KCNIP3: variants seen among roughly 807,000 people sequenced by gnomAD.
KCNIP3 encodes the protein potassium voltage-gated channel interacting protein 3, also known as calsenilin.
In KCNIP3, 28 loss-of-function variants were observed where a neutral mutation model predicts 35.0. The observed-to-expected ratio is 0.80, with a 90% confidence interval of 0.59 to 1.10. KCNIP3 has a LOEUF of 1.10. Ranked by LOEUF, KCNIP3 falls within the 50% of genes least tolerant of loss-of-function variation. The pLI, the probability that KCNIP3 is intolerant of heterozygous loss-of-function variation, is 0.00. For synonymous variants in KCNIP3, 134 were observed against 133.8 expected (o/e 1.00, Z -0.01); for missense variants, 295 against 338.4 (o/e 0.87, Z 1.01).
intron 2 of KCNIP3, among the ~76,000 whole-genome samples, chr2:95,315,253 C>G (rs1004021647): frequency 2.6e-5 from 4 of 152,168 alleles, no homozygotes; most frequent in African/African-American, 9.7e-5. Flanking sequence ...GACCTGCCAC[C>G]TGGTGGCTGG....
rs186491129 is a variant in KCNIP3 at position 95,309,694 on chromosome 2, G to A, written c.16-661G>A. Among the ~76,000 whole-genome samples the A allele has an allele frequency of 3.3e-5, 5 of 152,250 alleles. No homozygotes were observed. The East Asian group carries it at 5.8e-4, about 18-fold the overall frequency. On this transcript the variant is annotated intron_variant, in intron 1 of 8. Transcript: ENST00000295225. ...CTGCCTCGGCCTCCTAAAGTGCTAG[G>A]ATTACAGGCGTGAACCACCACGCCC...
chr2:95,353,459 C>T (rs567091709), intron 2 of KCNIP3, among the ~76,000 whole-genome samples: 5 of 152,302 alleles, frequency 3.3e-5, no homozygotes, highest in East Asian at 3.9e-4. Flanking sequence ...CCTGCCTGGT[C>T]GAGCACACTG....
rs772057246 is a variant in KCNIP3 at position 95,381,662 on chromosome 2, A to T, written c.514A>T (p.Asn172Tyr). 6.2e-7 allele frequency: 1 copy of T among 1,613,930 alleles called. No homozygotes were observed. Among genetic ancestry groups the T allele is most frequent in the African/African-American group, 1.3e-5 (1 of 74,898 alleles). ...CCACGAGAAGCTCAAGTGGGCCTTT[A>T]ATCTCTACGACATTAACAAGGATGG... ...TVHEKLKWAF[N>Y]LYDINKDGYI... The change falls in exon 6 of 9, where the codon AAT (asparagine) becomes TAT (tyrosine). Residue 172 changes from asparagine (N) to tyrosine (Y), a missense_variant. By Grantham distance (143) the Asn-to-Tyr change is moderately radical. Coordinates refer to ENST00000295225, the MANE Select transcript of KCNIP3 (RefSeq NM_013434.5).
At chr2:95,321,774 G>C (rs1235758217) in intron 2 of KCNIP3, among the ~76,000 whole-genome samples, 1 of 152,174 alleles carries the variant, frequency 6.6e-6, no homozygotes, top group Non-Finnish European at 1.5e-5. Context: ...TGCCTGCAGG[G>C]TTATCTCCTC....
chr2:95,349,966 T>C (rs1024082536), intron 2 of KCNIP3, among the ~76,000 whole-genome samples: 40 of 152,152 alleles, frequency 2.6e-4, no homozygotes. Flanking sequence ...TGCCTGACAC[T>C]CCATGTTTAA....
At chr2:95,301,606 C>A (rs1678032201) in intron 1 of KCNIP3, among the ~76,000 whole-genome samples, 1 of 152,262 alleles carries the variant, frequency 6.6e-6, no homozygotes, top group Non-Finnish European at 1.5e-5. Context: ...GCCCCTGGCA[C>A]AGAGTGAGGC....
At chr2:95,316,308 G>A (rs868531091) in intron 2 of KCNIP3, among the ~76,000 whole-genome samples, 3 of 152,212 alleles carry the variant, frequency 2.0e-5, no homozygotes, top group South Asian at 2.1e-4. Context: ...GAGGCCCGCC[G>A]GGCACCGCAC....
At position 95,384,077 on chromosome 2, in the gene KCNIP3, A is replaced by G; in HGVS notation, c.*28A>G. On this transcript the variant is annotated 3_prime_UTR_variant, in exon 9 of 9. Coordinates refer to ENST00000295225, the MANE Select transcript of KCNIP3 (RefSeq NM_013434.5). ...CACGTCCAAAGGAGTGCATGGCCAC[A>G]GCCACCTCCACCCCCAAGAAACCTC... The G allele has an allele frequency of 6.2e-7, 1 of 1,608,560 alleles. No individual in the cohort carries two copies. The highest frequency in any genetic ancestry group is 8.5e-7 in the Non-Finnish European group (1 of 1,175,152).
intron 2 of KCNIP3, among the ~76,000 whole-genome samples, chr2:95,335,181 T>G (rs2104250034): frequency 6.6e-6 from 1 of 152,364 alleles, no homozygotes; most frequent in South Asian, 2.1e-4. Flanking sequence ...CCACAGCTCC[T>G]GTGATGGGAA....
At position 95,310,528 on chromosome 2, in the gene KCNIP3, C is replaced by A; in HGVS notation, c.181+8C>A. The A allele has an allele frequency of 6.2e-7, 1 of 1,611,220 alleles. No homozygotes were observed. Among genetic ancestry groups the A allele is most frequent in the Non-Finnish European group, 8.5e-7 (1 of 1,178,542 alleles). ...CAGCCCCACAGGGCTCAGGTAGGGG[C>A]CAGGGTGGGCTGTGGTCAAGGGTGG... is the stretch of plus-strand genomic sequence containing the variant. On this transcript the variant is annotated splice_region_variant and intron_variant, in intron 2 of 8. Transcript: ENST00000295225.
At chr2:95,359,088 C>T (rs557712196) in intron 2 of KCNIP3, among the ~76,000 whole-genome samples, 1 of 152,256 alleles carries the variant, frequency 6.6e-6, no homozygotes, top group Admixed American at 6.5e-5. Flanking sequence ...GCATTCTGCC[C>T]AGCCCACCCC....
rs148735206 is a variant in KCNIP3 at position 95,376,851 on chromosome 2, T to C, written c.447+1643T>C. 9.8e-5 allele frequency among the ~76,000 whole-genome samples: 15 copies of C among 152,344 alleles called. No homozygotes were observed. Among genetic ancestry groups the C allele is most frequent in the Non-Finnish European group, 1.9e-4 (13 of 68,036 alleles). ...CAGAGCCTCCTACGTGCGTCTGTAATGCAAGGCAACCCTGCATGACACTGT... is the reference window on the plus strand; with the variant it reads ...CAGAGCCTCCTACGTGCGTCTGTAACGCAAGGCAACCCTGCATGACACTGT... On this transcript the variant is annotated intron_variant, in intron 5 of 8. Coordinates refer to ENST00000295225, the MANE Select transcript of KCNIP3 (RefSeq NM_013434.5). This position sits in a 1 kb window ranked among gnomAD's most constrained non-coding sequence, Gnocchi z 4.2.
At chr2:95,331,626 C>T (rs1678929221) in intron 2 of KCNIP3, among the ~76,000 whole-genome samples, 2 of 152,198 alleles carry the variant, frequency 1.3e-5, no homozygotes, top group African/African-American at 4.8e-5. Flanking sequence ...TTGGCTTGGA[C>T]ATTTGCAGAA....
chr2:95,325,940 TAC>T (rs1476499934), intron 2 of KCNIP3, among the ~76,000 whole-genome samples: 1 of 140,674 alleles, frequency 7.1e-6, no homozygotes, highest in East Asian at 2.2e-4. Context: ...CACATACACA[TAC>T]ACACTCACAC....
rs376410311 is a variant in KCNIP3, at chr2:95,381,714, G to A, written c.555+11G>A. The stretch of plus-strand genomic sequence containing the variant: ...TACATCACCAAAGAGGTAGTAGGGG[G>A]CTGGGGGCAGGGATTGTCCCCTCCT... On this transcript the variant is annotated intron_variant, in intron 6 of 8. Coordinates refer to ENST00000295225, the MANE Select transcript of KCNIP3 (RefSeq NM_013434.5). The A allele has an allele frequency of 4.3e-5, 68 of 1,580,926 alleles. No homozygotes were observed. The African/African-American group carries it at 7.9e-4, about 18-fold the overall frequency.
intron 2 of KCNIP3, among the ~76,000 whole-genome samples, chr2:95,318,841 G>A (rs1170781353): frequency 6.6e-6 from 1 of 152,228 alleles, no homozygotes; most frequent in Non-Finnish European, 1.5e-5. Flanking sequence ...TCCAAAGAGA[G>A]ATAAAATGAT....
At chr2:95,373,371 A>G (rs1195346745) in intron 2 of KCNIP3, among the ~76,000 whole-genome samples, 1 of 138,826 alleles carries the variant, frequency 7.2e-6, no homozygotes, top group South Asian at 2.3e-4. Context: ...CTGAAATTGC[A>G]CCTCCCCCTC....
At chr2:95,300,623 A>G (rs1222718098) in intron 1 of KCNIP3, among the ~76,000 whole-genome samples, 2 of 152,204 alleles carry the variant, frequency 1.3e-5, no homozygotes, top group African/African-American at 2.4e-5. Context: ...CTTCCTGCCC[A>G]GGGCTCCCGG....
intron 1 of KCNIP3, among the ~76,000 whole-genome samples, chr2:95,309,260 A>G (rs1211840761): frequency 1.3e-5 from 2 of 152,064 alleles, no homozygotes; most frequent in African/African-American, 4.8e-5. Context: ...TCTGTGCCTC[A>G]TGGGCCAGCT....
Sources: gnomAD v4.1 joint callset for allele counts (sites outside exome capture counted in the v4.1 genomes callset) on GRCh38, gnomAD v4.1.1 for gene constraint, Gnocchi (gnomAD v3.1) non-coding constraint, MANE v1.5 for transcripts, NCBI Gene and HGNC (gene_info 2026-07-23, HGNC 2026-07-21) for gene names.